Variants in ZFHX3 observed in about 807,000 individuals in gnomAD.
ZFHX3 encodes the protein zinc finger homeobox protein 3.
ZFHX3 carries 42 observed loss-of-function variants against 279.1 expected under a neutral mutation model. The ratio of observed to expected loss-of-function variants is 0.15; its 90% CI spans 0.12 to 0.19. ZFHX3 has a LOEUF of 0.19. Ranked by LOEUF, ZFHX3 falls within the 10% of genes least tolerant of loss-of-function variation. The probability of loss-of-function intolerance (pLI) is 1.00; values close to 1 mark genes in which losing one functional copy is unlikely to be tolerated. For synonymous variants in ZFHX3, 2,293 were observed against 1,957.8 expected, an observed-to-expected ratio of 1.17 and a Z score of -4.52; for missense variants, 4,981 against 4,754.0, an observed-to-expected ratio of 1.05 and a Z score of -1.40.
intron 1 of ZFHX3, among the ~76,000 whole-genome samples, chr16:73,734,513 A>G (rs2053593608): frequency 6.6e-6 from 1 of 152,186 alleles, no homozygotes; most frequent in Admixed American, 6.5e-5. Flanking sequence ...CTGTAAAAAT[A>G]TTTTGGCTGA....
intron 4 of ZFHX3, among the ~76,000 whole-genome samples, chr16:73,287,266 AGTGTGTGG>A (rs2014638796): frequency 1.1e-5 from 1 of 94,842 alleles, no homozygotes; most frequent in African/African-American, 4.3e-5. Context: ...TGTGTAGGCC[AGTGTGTGG>A]GTGTGTGGGT....
At chr16:73,565,052 C>T (rs745432669) in intron 2 of ZFHX3, among the ~76,000 whole-genome samples, 3 of 152,034 alleles carry the variant, frequency 2.0e-5, no homozygotes, top group Admixed American at 6.6e-5. Context: ...CAAGAGATTG[C>T]GAAGAGCATG....
chr16:73,874,895 T>C (rs1389166556), intron 1 of ZFHX3, among the ~76,000 whole-genome samples: 3 of 152,218 alleles, frequency 2.0e-5, no homozygotes, highest in Non-Finnish European at 4.4e-5. Flanking sequence ...TGGTCTGCAA[T>C]AGCAATGGCA....
At chr16:73,172,628 C>G (rs923644846) in intron 5 of ZFHX3, among the ~76,000 whole-genome samples, 1 of 152,164 alleles carries the variant, frequency 6.6e-6, no homozygotes, top group Non-Finnish European at 1.5e-5. Context: ...ATTTACTGTT[C>G]TTTAAAGCCG....
chr16:73,341,541 C>T (rs143589745), intron 3 of ZFHX3, among the ~76,000 whole-genome samples: 54 of 152,262 alleles, frequency 3.5e-4, no homozygotes, highest in African/African-American at 9.9e-4. Flanking sequence ...CACAGAGTTG[C>T]CATATGACCC....
intron 7 of ZFHX3, among the ~76,000 whole-genome samples, chr16:73,118,249 C>T (rs1023740578): frequency 6.6e-6 from 1 of 152,314 alleles, no homozygotes; most frequent in South Asian, 2.1e-4. Context: ...CACTCTGTTA[C>T]CCAGGCTAGA....
chr16:73,239,185 G>T (rs556789971), intron 5 of ZFHX3, among the ~76,000 whole-genome samples: 2 of 152,304 alleles, frequency 1.3e-5, no homozygotes, highest in Admixed American at 1.3e-4. Context: ...TAAGATTACA[G>T]GCCTCCAAAA....
At chr16:72,917,086 C>G (rs1233213535) in intron 3 of ZFHX3, among the ~76,000 whole-genome samples, 1 of 152,018 alleles carries the variant, frequency 6.6e-6, no homozygotes, top group African/African-American at 2.4e-5. Context: ...AAAAAAAACA[C>G]AAAAATTAGC....
chr16:73,093,593 C>G (rs541886636), exon 8 of ZFHX3: 30 of 511,672 alleles, frequency 5.9e-5, no homozygotes, highest in South Asian at 3.5e-4. Flanking sequence ...GCTAACCGGT[C>G]GTCTCCTGCA....
chr16:73,855,172 C>T (rs573489908), intron 1 of ZFHX3, among the ~76,000 whole-genome samples: 12 of 150,772 alleles, frequency 8.0e-5, no homozygotes, highest in Middle Eastern at 3.5e-3. Context: ...TCCTTGCCTG[C>T]AGCCATTTGA....
chr16:72,941,772 C>G (rs572103759), intron 3 of ZFHX3, among the ~76,000 whole-genome samples: 7 of 152,204 alleles, frequency 4.6e-5, no homozygotes, highest in Non-Finnish European at 8.8e-5. Flanking sequence ...AAGTCACCAC[C>G]CTAATGTTGC....
intron 1 of ZFHX3, among the ~76,000 whole-genome samples, chr16:73,008,940 A>G (rs200878718): frequency 1.1e-4 from 14 of 127,648 alleles, no homozygotes; most frequent in African/African-American, 3.6e-4. Flanking sequence ...GTGTGTGTGT[A>G]TGTGTGTATA....
chr16:73,546,846 C>T (rs537660031), intron 2 of ZFHX3, among the ~76,000 whole-genome samples: 119 of 152,046 alleles, frequency 7.8e-4, no homozygotes, highest in Admixed American at 1.6e-3. Flanking sequence ...GGAGGCAGAG[C>T]AGAGACTGTG....
rs150516571 is a variant in ZFHX3, at chr16:73,135,581, T to A, written c.-1023-4487A>T. ...TGAGAGGTTGCAAACTTATGACCTA[T>A]GAACTGAATGTGGCCTGTGGAAGTC... On this transcript the variant is annotated intron_variant, in intron 6 of 17. Transcript: ENST00000641206. 5.9e-5 allele frequency among the ~76,000 whole-genome samples: 9 copies of A among 152,316 alleles called. No individual in the cohort carries two copies. In the East Asian group the frequency reaches 1.7e-3, roughly 29 times the overall value.
At chr16:72,973,497 T>A (rs1350676073) in intron 1 of ZFHX3, 1 of 152,232 alleles carries the variant, frequency 6.6e-6, no homozygotes, top group Non-Finnish European at 1.5e-5. Context: ...CCCAGGCCCT[T>A]TGAATAGCCT....
chr16:73,831,893 T>C (rs146276447), intron 1 of ZFHX3, among the ~76,000 whole-genome samples: 2 of 152,304 alleles, frequency 1.3e-5, no homozygotes, highest in Non-Finnish European at 2.9e-5. Context: ...TAGAGTTTCA[T>C]CTGGCTTCTT....
At chr16:72,877,780 G>T (rs2038353883) in intron 4 of ZFHX3, among the ~76,000 whole-genome samples, 1 of 152,142 alleles carries the variant, frequency 6.6e-6, no homozygotes, top group African/African-American at 2.4e-5. Flanking sequence ...GTCAACTCAG[G>T]CCCCTCCTCC....
chr16:73,874,893 A>C (rs2029899173), intron 1 of ZFHX3, among the ~76,000 whole-genome samples: 1 of 152,248 alleles, frequency 6.6e-6, no homozygotes, highest in Admixed American at 6.5e-5. Context: ...CTTGGTCTGC[A>C]ATAGCAATGG....
chr16:73,482,952 A>G (rs112031768), intron 2 of ZFHX3, among the ~76,000 whole-genome samples: 1 of 152,240 alleles, frequency 6.6e-6, no homozygotes, highest in East Asian at 1.9e-4. Flanking sequence ...ATTCAAAACC[A>G]TAACTTCCCA....
Sources: gnomAD v4.1 joint callset for allele counts (sites outside exome capture counted in the v4.1 genomes callset) on GRCh38, gnomAD v4.1.1 for gene constraint, MANE v1.5 for transcripts, NCBI Gene and HGNC (gene_info 2026-07-23, HGNC 2026-07-21) for gene names.